NEURL4: variants seen among roughly 807,000 people sequenced by gnomAD.
NEURL4 encodes the protein neuralized E3 ubiquitin protein ligase 4.
In NEURL4, 45 loss-of-function variants were observed where a neutral mutation model predicts 148.0. The ratio of observed to expected loss-of-function variants is 0.30; its 90% confidence interval spans 0.24 to 0.39. NEURL4 has a LOEUF of 0.39. Ranked by LOEUF, NEURL4 falls within the 10% of genes least tolerant of loss-of-function variation. The probability of loss-of-function intolerance (pLI) is 1.00; values close to 1 mark genes in which losing one functional copy is unlikely to be tolerated. For missense variants in NEURL4, 1,776 were observed against 2,144.0 expected (o/e 0.83, Z 3.39); for synonymous variants, 854 against 869.0 (o/e 0.98, Z 0.30).
At position 7,322,645 on chromosome 17, in the gene NEURL4, C is replaced by G; in HGVS notation, c.2725+90G>C. On this transcript the variant is annotated intron_variant, in intron 16 of 28. Coordinates refer to ENST00000399464, the MANE Select transcript of NEURL4 (RefSeq NM_032442.3). This position sits in a 1 kb window ranked among gnomAD's most constrained non-coding sequence, Gnocchi z 5.5. ...GCCGGCAGCTACCCCAGCCAACCGT[C>G]TTTGCAGAACCTCTCTAACCTGGAA... The G allele has an allele frequency of 6.6e-7, 1 of 1,524,290 alleles. No homozygotes were observed. The highest frequency in any genetic ancestry group is 1.8e-5 in the Admixed American group (1 of 54,138). The allele number at this position is 1,524,290 out of a possible 1,614,324, so 94.4% of individuals were successfully genotyped here.
In NEURL4 at chr17:7,323,631, C is replaced by A. The variant is rs1313753458; in HGVS notation, c.2338+16G>T. 1.2e-6 allele frequency: 2 copies of A among 1,613,676 alleles called. No homozygotes were observed. The highest frequency in any genetic ancestry group is 1.7e-5 in the Admixed American group (1 of 59,934). On this transcript the variant is annotated intron_variant, in intron 13 of 28. Transcript: ENST00000399464. ...CAGACATCCAACAGCCCCCAACACACACAGACGGCCCTCACCAGCCTCAAT... is the reference window on the plus strand; with the variant it reads ...CAGACATCCAACAGCCCCCAACACAAACAGACGGCCCTCACCAGCCTCAAT...
Position 7,322,251 on chromosome 17 carries a change from G to A in NEURL4, c.2726-241C>T, listed in dbSNP as rs2073043898. On this transcript the variant is annotated intron_variant, in intron 16 of 28. Coordinates refer to ENST00000399464, the MANE Select transcript of NEURL4 (RefSeq NM_032442.3). This position sits in a 1 kb window ranked among gnomAD's most constrained non-coding sequence, Gnocchi z 5.5. Reference sequence around the variant, plus strand: ...TGGCTCACTGCAGCCTCGACTTCCTGGGATCCAGCTATCCTCCCACCTCAG... The same window carrying A: ...TGGCTCACTGCAGCCTCGACTTCCTAGGATCCAGCTATCCTCCCACCTCAG... 6.6e-6 allele frequency among the ~76,000 whole-genome samples: 1 copy of A among 152,068 alleles called. No homozygotes were observed. Among genetic ancestry groups the A allele is most frequent in the African/African-American group, 2.4e-5 (1 of 41,394 alleles).
chr17:7,317,172 TG>T, intron 28 of NEURL4, 32 bp downstream of exon 28: 1 of 1,449,720 alleles, frequency 6.9e-7, no homozygotes, highest in African/African-American at 1.4e-5. Context: ...TCCGAGCCCC[TG>T]GAAATCTCTC....
At position 7,326,405 on chromosome 17, in the gene NEURL4, C is replaced by G. The variant is rs1397340064; in HGVS notation, c.1204+32G>C. 1 of 1,613,532 alleles carries G rather than the reference C, an allele frequency of 6.2e-7. No individual in the cohort carries two copies. The highest frequency in any genetic ancestry group is 1.7e-5 in the Admixed American group (1 of 60,014). On this transcript the variant is annotated intron_variant, in intron 5 of 28. Coordinates refer to ENST00000399464, the MANE Select transcript of NEURL4 (RefSeq NM_032442.3). The surrounding 1 kb of genome is among the most constrained non-coding windows in gnomAD (Gnocchi z 6.0). Reference sequence around the variant, plus strand: ...CTTCCTTCCCCTCAGCAACACCAGGCCTGCACCCCCGCCCCTGCCCGGGGC... The same window carrying G: ...CTTCCTTCCCCTCAGCAACACCAGGGCTGCACCCCCGCCCCTGCCCGGGGC...
Position 7,317,479 on chromosome 17 carries a change from G to C in NEURL4, c.4300C>G (p.Arg1434Gly). The C allele has an allele frequency of 1.2e-6, 2 of 1,614,058 alleles. No homozygotes were observed. The highest frequency in any genetic ancestry group is 1.7e-6 in the Non-Finnish European group (2 of 1,179,986). ...NVAAVRRVLDRGELGAGTASI... is the reference protein window; with the variant it reads ...NVAAVRRVLDGGELGAGTASI... Reference sequence around the variant, plus strand: ...CCAGTACCTGCTCCCAGCTCCCCTCGGTCCAGCACTCTCCGTACAGCGGCA... The same window carrying C: ...CCAGTACCTGCTCCCAGCTCCCCTCCGTCCAGCACTCTCCGTACAGCGGCA... The change falls in exon 27 of 29, where the codon CGA (arginine) becomes GGA (glycine). Residue 1434 changes from arginine to glycine, a missense_variant. Coordinates refer to ENST00000399464, the MANE Select transcript of NEURL4 (RefSeq NM_032442.3).
rs751570890 is a variant in NEURL4, at chr17:7,319,128, G to T, written c.3606C>A (p.Asn1202Lys). 1.9e-6 allele frequency: 3 copies of T among 1,614,074 alleles called. No homozygotes were observed. In the African/African-American group the frequency reaches 4.0e-5, roughly 22 times the overall value. Reference sequence around the variant, plus strand: ...TGAGGGCACAGGCAGAAGCAGGGAAGTTGAGCCTCTCAGGCGCGCAGGTGA... The same window carrying T: ...TGAGGGCACAGGCAGAAGCAGGGAATTTGAGCCTCTCAGGCGCGCAGGTGA... The part of the protein sequence containing the change: ...GVITCAPERL[N>K]FPASACALKR... Residue 1202 changes from asparagine (N) to lysine (K), a missense_variant, in exon 22 of 29, where the codon AAC becomes AAA. By Grantham distance (94) the Asn-to-Lys change is moderately conservative. Coordinates refer to ENST00000399464, the MANE Select transcript of NEURL4 (RefSeq NM_032442.3).
At chr17:7,325,145 GC>G in intron 8 of NEURL4, 63 bp downstream of exon 8, 2 of 830,662 alleles carry the variant, frequency 2.4e-6, no homozygotes, top group Non-Finnish European at 1.8e-6. Flanking sequence ...CCACTTCCTT[GC>G]CCCGCCCCCC....
chr17:7,323,043 C>G lies in NEURL4; in HGVS notation c.2498G>C (p.Arg833Pro). The stretch of plus-strand genomic sequence containing the variant: ...CTTGGCAGTTCGCATCATGCCAATG[C>G]GTGCACCTGTGCCCAGCGCATCCAG... ...CDLDALGTGA[R>P]IGMMRTAKGD... The change falls in exon 15 of 29, where the codon CGC becomes CCC. Residue 833 changes from arginine (R) to proline (P), a missense_variant. Arg to Pro is a moderately radical substitution (Grantham distance 103). Transcript: ENST00000399464. The G allele has an allele frequency of 6.2e-7, 1 of 1,613,748 alleles. No homozygotes were observed. The highest frequency in any genetic ancestry group is 8.5e-7 in the Non-Finnish European group (1 of 1,179,988).
chr17:7,318,304 G>T lies in NEURL4; in HGVS notation c.3917C>A (p.Thr1306Asn), dbSNP rs1367567556. 6.2e-7 allele frequency: 1 copy of T among 1,614,140 alleles called. No individual in the cohort carries two copies. The highest frequency in any genetic ancestry group is 8.5e-7 in the Non-Finnish European group (1 of 1,180,012). ...PGAASGKSAG[T>N]QGDMEKADMV... ...GTCTGCTTTCTCCATGTCCCCTTGG[G>T]TTCCAGCACTTTTCCCACTGGCAGC... is the stretch of plus-strand genomic sequence containing the variant. Residue 1306 changes from threonine (T) to asparagine (N), a missense_variant, in exon 24 of 29, where the codon ACC (threonine) becomes AAC (asparagine). Transcript: ENST00000399464. The surrounding 1 kb of genome is among the most constrained non-coding windows in gnomAD (Gnocchi z 4.3).
rs761337798 is a variant in NEURL4, at chr17:7,322,804, C to T, written c.2656G>A (p.Gly886Ser). 6.8e-6 allele frequency: 11 copies of T among 1,613,890 alleles called. No homozygotes were observed. The highest frequency in any genetic ancestry group is 3.3e-5 in the South Asian group (3 of 91,092). The change falls in exon 16 of 29, where the codon GGC becomes AGC. Residue 886 changes from glycine to serine, a missense_variant. Physicochemically the swap from Gly to Ser is moderately conservative, Grantham distance 56. Transcript: ENST00000399464. This position sits in a 1 kb window ranked among gnomAD's most constrained non-coding sequence, Gnocchi z 5.5. Reference protein sequence around the residue: ...CVQVSITNATGPMDNSLATSN... With the variant: ...CVQVSITNATSPMDNSLATSN... ...GTCGCCAGGCTGTTGTCCATGGGGC[C>T]GGTGGCATTGGTGATGGACACTTGG... is the stretch of plus-strand genomic sequence containing the variant.
chr17:7,318,489 AC>A lies in NEURL4; in HGVS notation c.3864+5del. ...ACCCCTCCTCCCTGCCCCCACTGCCACTAACCTGCTCACACTGCCCATAGAG... is the reference window on the plus strand; with the variant it reads ...ACCCCTCCTCCCTGCCCCCACTGCCATAACCTGCTCACACTGCCCATAGAG... On this transcript the variant is annotated splice_donor_5th_base_variant and intron_variant, in intron 23 of 28. Transcript: ENST00000399464. This position sits in a 1 kb window ranked among gnomAD's most constrained non-coding sequence, Gnocchi z 4.3. The A allele has an allele frequency of 6.2e-7, 1 of 1,603,874 alleles. No individual in the cohort carries two copies. Among genetic ancestry groups the A allele is most frequent in the Non-Finnish European group, 8.5e-7 (1 of 1,173,848 alleles).
Position 7,327,607 on chromosome 17 carries a change from G to A in NEURL4, c.560C>T (p.Pro187Leu). The A allele has an allele frequency of 1.2e-6, 2 of 1,612,572 alleles. No homozygotes were observed. The highest frequency in any genetic ancestry group is 2.2e-5 in the South Asian group (2 of 91,068). The change falls in exon 2 of 29, where the codon CCT becomes CTT. Residue 187 changes from proline (P) to leucine (L), a missense_variant. Coordinates refer to ENST00000399464, the MANE Select transcript of NEURL4 (RefSeq NM_032442.3). This position sits in a 1 kb window ranked among gnomAD's most constrained non-coding sequence, Gnocchi z 6.6. ...DCGVAATGLP[P>L]RVWAVVDLYG... The stretch of plus-strand genomic sequence containing the variant: ...AAGGTCCACGACGGCCCAGACACGA[G>A]GGGGCAGGCCTGTGGCAGCCACACC...
Position 7,323,563 on chromosome 17 carries a change from C to G in NEURL4, c.2339G>C (p.Gly780Ala). The change falls in exon 14 of 29, where the codon GGA becomes GCA. Residue 780 changes from glycine (G) to alanine (A), a missense_variant and splice_region_variant. Coordinates refer to ENST00000399464, the MANE Select transcript of NEURL4 (RefSeq NM_032442.3). ...GTCTTCAGGCCGAATAGCAGTCACT[C>G]CTGGGAGGAGGCAGGGGTAAGTCAA... ...VDRWSGSIEA[G>A]VTAIRPEDLE... is the part of the protein sequence containing the mutation. 1 of 1,614,228 alleles carries G rather than the reference C, an allele frequency of 6.2e-7. No individual in the cohort carries two copies. The highest frequency in any genetic ancestry group is 8.5e-7 in the Non-Finnish European group (1 of 1,180,040).
intron 21 of NEURL4, among the ~76,000 whole-genome samples, chr17:7,319,772 T>G (rs1597631881): frequency 6.6e-6 from 1 of 152,054 alleles, no homozygotes; most frequent in Non-Finnish European, 1.5e-5. Context: ...GTTGCCTCTG[T>G]AAGGATCTCT....
At position 7,322,921 on chromosome 17, in the gene NEURL4, G is replaced by A; in HGVS notation, c.2593+27C>T. The A allele has an allele frequency of 1.2e-6, 2 of 1,611,306 alleles. No individual in the cohort carries two copies. The highest frequency in any genetic ancestry group is 8.5e-7 in the Non-Finnish European group (1 of 1,177,690). The stretch of plus-strand genomic sequence containing the variant: ...GACAGCCAGGTGGTCTGGGCTGAGG[G>A]TGGCAGGCTGAAAGCCACATAGTCA... On this transcript the variant is annotated intron_variant, in intron 15 of 28. Transcript: ENST00000399464. The surrounding 1 kb of genome is among the most constrained non-coding windows in gnomAD (Gnocchi z 5.5).
At position 7,324,899 on chromosome 17, in the gene NEURL4, G is replaced by T. The variant is rs377496192; in HGVS notation, c.1713C>A (p.Asp571Glu). Residue 571 changes from aspartate (D) to glutamate (E), a missense_variant, in exon 9 of 29, where the codon GAC (aspartate) becomes GAA (glutamate). Transcript: ENST00000399464. The surrounding 1 kb of genome is among the most constrained non-coding windows in gnomAD (Gnocchi z 5.9). ...RDGEVFQVRI[D>E]KMVDKWAGSI... ...AGCCAGCCCATTTGTCCACCATCTT[G>T]TCGATGCGCACCTGGAACACCTCTC... is the stretch of plus-strand genomic sequence containing the variant. 8.7e-6 allele frequency: 14 copies of T among 1,614,054 alleles called. No homozygotes were observed. Among genetic ancestry groups the T allele is most frequent in the Admixed American group, 3.3e-5 (2 of 60,002 alleles).
rs1273755136 is a variant in NEURL4 at position 7,323,128 on chromosome 17, G to A, written c.2418-5C>T. 4.4e-6 allele frequency: 7 copies of A among 1,608,350 alleles called. No individual in the cohort carries two copies. In the African/African-American group the frequency reaches 8.0e-5, roughly 18 times the overall value. Reference sequence around the variant, plus strand: ...TCTTGCATGATGGCTGTACCACTGGGGGGATGGCAGAAGGGGTGAGTCAGC... The same window carrying A: ...TCTTGCATGATGGCTGTACCACTGGAGGGATGGCAGAAGGGGTGAGTCAGC... On this transcript the variant is annotated splice_polypyrimidine_tract_variant and splice_region_variant and intron_variant, in intron 14 of 28. Transcript: ENST00000399464.
rs961268117 is a variant in NEURL4, at chr17:7,321,941, C to G, written c.2795G>C (p.Arg932Thr). 3 of 1,613,856 alleles carry G rather than the reference C, an allele frequency of 1.9e-6. No homozygotes were observed. Among genetic ancestry groups the G allele is most frequent in the Non-Finnish European group, 2.5e-6 (3 of 1,179,990 alleles). ...KNVTLEEDGT[R>T]AVRAAGYAHG... is the part of the protein sequence containing the mutation. Reference sequence around the variant, plus strand: ...AGCATAGCCAGCGGCACGCACTGCCCTCGTGCCATCCTCCTCTAGAGTGAC... The same window carrying G: ...AGCATAGCCAGCGGCACGCACTGCCGTCGTGCCATCCTCCTCTAGAGTGAC... Residue 932 changes from arginine to threonine, a missense_variant, in exon 17 of 29, where the codon AGG (arginine) becomes ACG (threonine). Arg to Thr is a moderately conservative substitution (Grantham distance 71, BLOSUM62 -1). Transcript: ENST00000399464. This position sits in a 1 kb window ranked among gnomAD's most constrained non-coding sequence, Gnocchi z 6.3.
In NEURL4 at chr17:7,324,537, G is replaced by A; in HGVS notation, c.1814-57C>T. On this transcript the variant is annotated intron_variant, in intron 9 of 28. Transcript: ENST00000399464. This position sits in a 1 kb window ranked among gnomAD's most constrained non-coding sequence, Gnocchi z 5.9. The stretch of plus-strand genomic sequence containing the variant: ...GGGGAAATGCAGGGCTCCTCTCCTT[G>A]CCACAGCAGCGCCCACAGGACTCCC... The A allele has an allele frequency of 1.3e-6, 2 of 1,492,966 alleles. No homozygotes were observed. The allele number at this position is 1,492,966 out of a possible 1,614,324, so 92.5% of individuals were successfully genotyped here.
Sources: allele counts gnomAD v4.1 joint callset (sites outside exome capture counted in the v4.1 genomes callset), GRCh38; gene constraint gnomAD v4.1.1; non-coding constraint Gnocchi (gnomAD v3.1); transcripts MANE v1.5; gene names NCBI Gene and HGNC (gene_info 2026-07-23, HGNC 2026-07-21).